Variants in STUM observed in about 807,000 individuals in gnomAD.
STUM encodes protein stum homolog.
STUM carries 8 observed loss-of-function variants against 15.3 expected under a neutral mutation model. The ratio of observed to expected loss-of-function variants is 0.52; its 90% CI spans 0.31 to 0.94. The LOEUF (loss-of-function observed/expected upper bound fraction) is 0.94, where lower values mean the gene tolerates loss of function less well. STUM is among the 40% of genes least tolerant of loss of function. The pLI, the probability that STUM is intolerant of heterozygous loss-of-function variation, is 0.05. For synonymous variants in STUM, 78 were observed against 88.7 expected, an observed-to-expected ratio of 0.88 and a Z score of 0.68; for missense variants, 142 against 204.9, an observed-to-expected ratio of 0.69 and a Z score of 1.87.
chr1:226,554,000 C>T (rs763859556), intron 1 of STUM, among the ~76,000 whole-genome samples: 2 of 152,216 alleles, frequency 1.3e-5, no homozygotes, highest in African/African-American at 2.4e-5. Context: ...CACCCCCACC[C>T]GATGCCATAT....
At chr1:226,591,753 G>A (rs1473518602) in intron 1 of STUM, among the ~76,000 whole-genome samples, 1 of 152,120 alleles carries the variant, frequency 6.6e-6, no homozygotes, top group African/African-American at 2.4e-5. Context: ...GCTTTCATTA[G>A]TCAGCTACTC....
chr1:226,554,837 C>G (rs536548245), intron 1 of STUM, among the ~76,000 whole-genome samples: 1 of 152,322 alleles, frequency 6.6e-6, no homozygotes, highest in East Asian at 1.9e-4. Flanking sequence ...GCAAAATTCC[C>G]TGAAAGAGCT....
intron 1 of STUM, among the ~76,000 whole-genome samples, chr1:226,576,521 A>G (rs1667818537): frequency 6.6e-6 from 1 of 152,194 alleles, no homozygotes; most frequent in African/African-American, 2.4e-5. Flanking sequence ...GTTGCCAATG[A>G]CTAGTGAGTT....
chr1:226,569,019 C>T (rs886785703), intron 1 of STUM, among the ~76,000 whole-genome samples: 33 of 99,524 alleles, frequency 3.3e-4, no homozygotes, highest in Admixed American at 2.1e-3. Flanking sequence ...TGTGCCCACA[C>T]GTGCATGCTT....
chr1:226,579,664 T>G (rs1314289132), intron 1 of STUM, among the ~76,000 whole-genome samples: 1 of 151,386 alleles, frequency 6.6e-6, no homozygotes, highest in African/African-American at 2.4e-5. Context: ...ACAGGGCCTT[T>G]TTCGCCCAGG....
At chr1:226,590,435 C>G (rs1163005251) in intron 1 of STUM, among the ~76,000 whole-genome samples, 1 of 152,156 alleles carries the variant, frequency 6.6e-6, no homozygotes, top group Admixed American at 6.5e-5. Flanking sequence ...AGACGGTTCT[C>G]TCCTGTTTCT....
At position 226,605,400 on chromosome 1, in the gene STUM, C is replaced by G. The variant is rs1668340386; in HGVS notation, c.*3360C>G. On this transcript the variant is annotated 3_prime_UTR_variant, in exon 4 of 4. Coordinates refer to ENST00000366788, the MANE Select transcript of STUM (RefSeq NM_001003665.4). The surrounding 1 kb of genome is among the most constrained non-coding windows in gnomAD (Gnocchi z 4.0). ...GGCCAGGTTGGGCCGCCCCCACAGC[C>G]TGTGCCGTCCACACACTCACTACAG... 1 of 152,400 alleles carries G rather than the reference C, an allele frequency of 6.6e-6. No individual in the cohort carries two copies. The highest frequency in any genetic ancestry group is 1.5e-5 in the Non-Finnish European group (1 of 68,224). 9.4% of individuals were successfully genotyped at this position (152,400 alleles called of 1,614,324 possible). A position where few individuals can be genotyped will look rare whatever the true frequency, so the allele number is the denominator to read the frequency against.
At chr1:226,592,341 G>A (rs994947018) in intron 1 of STUM, among the ~76,000 whole-genome samples, 1 of 152,124 alleles carries the variant, frequency 6.6e-6, no homozygotes, top group Non-Finnish European at 1.5e-5. Flanking sequence ...GAGCCACCAC[G>A]CCCAGCCTTT....
At chr1:226,578,426 G>A (rs112706404) in intron 1 of STUM, among the ~76,000 whole-genome samples, 4 of 136,586 alleles carry the variant, frequency 2.9e-5, no homozygotes, top group Non-Finnish European at 4.6e-5. Context: ...GTGCAGTGAC[G>A]CAATCACAGG....
At chr1:226,571,397 G>C (rs539369810) in intron 1 of STUM, among the ~76,000 whole-genome samples, 1 of 152,258 alleles carries the variant, frequency 6.6e-6, no homozygotes, top group East Asian at 1.9e-4. Context: ...TTGAGAAATC[G>C]ACTTCTTGAC....
In STUM at chr1:226,600,649, A is replaced by C; in HGVS notation, c.383-17A>C. On this transcript the variant is annotated splice_polypyrimidine_tract_variant and intron_variant, in intron 2 of 3. Transcript: ENST00000366788. The surrounding 1 kb of genome is among the most constrained non-coding windows in gnomAD (Gnocchi z 5.2). ...TCTCCTCTTCCTCCTGCTGCCTCCC[A>C]CTCTGTGCTGCTGCAGTTTCCCAAG... The C allele has an allele frequency of 1.9e-6, 3 of 1,609,662 alleles. No individual in the cohort carries two copies.
intron 1 of STUM, among the ~76,000 whole-genome samples, chr1:226,570,665 C>T (rs959710370): frequency 4.6e-5 from 7 of 152,126 alleles, no homozygotes; most frequent in African/African-American, 1.7e-4. Flanking sequence ...CTCCCTGCTT[C>T]CCCAGCACCT....
Position 226,600,511 on chromosome 1 carries a change from C to T in STUM, c.383-155C>T. 1.2e-6 allele frequency: 1 copy of T among 857,090 alleles called. No individual in the cohort carries two copies. The highest frequency in any genetic ancestry group is 1.9e-6 in the Non-Finnish European group (1 of 533,168). 53.1% of individuals were successfully genotyped at this position (857,090 alleles called of 1,614,324 possible). On this transcript the variant is annotated intron_variant, in intron 2 of 3. Coordinates refer to ENST00000366788, the MANE Select transcript of STUM (RefSeq NM_001003665.4). This position sits in a 1 kb window ranked among gnomAD's most constrained non-coding sequence, Gnocchi z 5.2. ...TGCCTGGGGATGGCGTCTGAGAAGC[C>T]ACTGGCATGGCCCCTGTCCCATCTC...
chr1:226,597,475 C>T (rs367854145), intron 2 of STUM: 204 of 472,378 alleles, frequency 4.3e-4, no homozygotes, highest in Middle Eastern at 1.3e-3. Flanking sequence ...ACTTTGCCTT[C>T]ACTCTGTACC....
At chr1:226,555,977 T>C (rs1667439727) in intron 1 of STUM, among the ~76,000 whole-genome samples, 1 of 152,202 alleles carries the variant, frequency 6.6e-6, no homozygotes, top group South Asian at 2.1e-4. Flanking sequence ...TATCAACATA[T>C]AATCAATATG....
rs1343958375 is a variant in STUM at position 226,567,013 on chromosome 1, A to G, written c.202+17907A>G. Among the ~76,000 whole-genome samples, 1 of 152,230 alleles carries G rather than the reference A, an allele frequency of 6.6e-6. No individual in the cohort carries two copies. Among genetic ancestry groups the G allele is most frequent in the Non-Finnish European group, 1.5e-5 (1 of 68,046 alleles). On this transcript the variant is annotated intron_variant, in intron 1 of 3. Coordinates refer to ENST00000366788, the MANE Select transcript of STUM (RefSeq NM_001003665.4). This position sits in a 1 kb window ranked among gnomAD's most constrained non-coding sequence, Gnocchi z 4.5. ...CTGCTTCCCGCAAATGCTGCAAATA[A>G]GATTCCAAGAATCCATGTTAGGACA...
chr1:226,606,593 G>A lies in STUM; in HGVS notation c.*4553G>A, dbSNP rs1024977315. The A allele has an allele frequency of 6.6e-6, 1 of 152,224 alleles. No individual in the cohort carries two copies. The highest frequency in any genetic ancestry group is 2.4e-5 in the African/African-American group (1 of 41,444). 9.4% of individuals were successfully genotyped at this position (152,224 alleles called of 1,614,324 possible). A position where few individuals can be genotyped will look rare whatever the true frequency, so the allele number is the denominator to read the frequency against. On this transcript the variant is annotated 3_prime_UTR_variant, in exon 4 of 4. Coordinates refer to ENST00000366788, the MANE Select transcript of STUM (RefSeq NM_001003665.4). ...TCCCTCCCTCTTGCTGGCTTTGCTG[G>A]AGGGCTTTTATCAGAGAGATTGGAG...
chr1:226,592,607 A>G (rs708752), intron 1 of STUM, among the ~76,000 whole-genome samples: 25,306 of 152,178 alleles, frequency 0.17, 2,524 homozygotes, highest in East Asian at 0.27. Flanking sequence ...AATGGCACCT[A>G]TGTTATTTTC....
intron 1 of STUM, among the ~76,000 whole-genome samples, chr1:226,550,367 G>C (rs1351961347): frequency 6.6e-6 from 1 of 152,154 alleles, no homozygotes; most frequent in Non-Finnish European, 1.5e-5. Context: ...CAGTAAGTTA[G>C]GTGGCCTTTA....
Sources: gnomAD v4.1 joint callset for allele counts (sites outside exome capture counted in the v4.1 genomes callset) on GRCh38, gnomAD v4.1.1 for gene constraint, Gnocchi (gnomAD v3.1) non-coding constraint, MANE v1.5 for transcripts, NCBI Gene and HGNC (gene_info 2026-07-23, HGNC 2026-07-21) for gene names.